Variants in ARHGEF28 observed in about 807,000 individuals in gnomAD.
ARHGEF28 encodes 190 kDa guanine nucleotide exchange factor.
ARHGEF28 carries 152 observed loss-of-function variants against 206.6 expected under a neutral mutation model. The observed-to-expected ratio is 0.74, with a 90% CI of 0.64 to 0.84. The LOEUF (loss-of-function observed/expected upper bound fraction) is 0.84, where lower values mean the gene tolerates loss of function less well. Ranked by LOEUF, ARHGEF28 falls within the 40% of genes least tolerant of loss-of-function variation. The pLI is 0.00. For missense variants in ARHGEF28, 2,028 were observed against 2,073.2 expected (o/e 0.98, Z 0.42); for synonymous variants, 763 against 776.4 (o/e 0.98, Z 0.29).
chr5:73,843,745 G>A (rs1261538234), intron 11 of ARHGEF28, among the ~76,000 whole-genome samples: 1 of 151,998 alleles, frequency 6.6e-6, no homozygotes, highest in African/African-American at 2.4e-5. Flanking sequence ...TAACTGTTTT[G>A]AGAAGCCACA....
At chr5:73,695,576 C>G (rs1476614707) in intron 2 of ARHGEF28, among the ~76,000 whole-genome samples, 1 of 152,200 alleles carries the variant, frequency 6.6e-6, no homozygotes, top group East Asian at 1.9e-4. Flanking sequence ...CTAAGCAACT[C>G]CTCTTTCCAA....
At chr5:73,912,181 CT>C (rs755539108) in intron 35 of ARHGEF28, among the ~76,000 whole-genome samples, 3 of 152,144 alleles carry the variant, frequency 2.0e-5, no homozygotes, top group Non-Finnish European at 4.4e-5. Context: ...GTGTTACCAG[CT>C]CCACATGAAT....
At chr5:73,904,536 T>C (rs1762447761) in intron 33 of ARHGEF28, 131 bp downstream of exon 33, 3 of 992,178 alleles carry the variant, frequency 3.0e-6, no homozygotes, top group Non-Finnish European at 4.4e-6. Context: ...GACAACCTTC[T>C]AAGTGTGATG....
intron 7 of ARHGEF28, among the ~76,000 whole-genome samples, chr5:73,787,566 G>A (rs1263118696): frequency 6.6e-6 from 1 of 152,162 alleles, no homozygotes; most frequent in Non-Finnish European, 1.5e-5. Context: ...ACCCTGGTGT[G>A]TAACGTTCCC....
chr5:73,741,385 G>GTGTGTGTGTATGTATA (rs1561371055), intron 2 of ARHGEF28, among the ~76,000 whole-genome samples: 1 of 21,862 alleles, frequency 4.6e-5, no homozygotes, highest in African/African-American at 2.5e-4. Context: ...GTGTGTGTGT[G>GTGTGTGTGTATGTATA]TATATATATA....
chr5:73,935,839 C>T (rs769867168), intron 35 of ARHGEF28, among the ~76,000 whole-genome samples: 6 of 152,100 alleles, frequency 3.9e-5, no homozygotes, highest in Non-Finnish European at 7.4e-5. Context: ...TCAGAAGATA[C>T]GCAGTTCTGT....
chr5:73,780,617 C>A, intron 6 of ARHGEF28, 59 bp from the exon 7 acceptor site: 1 of 1,496,182 alleles, frequency 6.7e-7, no homozygotes, highest in Non-Finnish European at 9.0e-7. Flanking sequence ...TGTTGTATAT[C>A]TGGAACCTCA....
chr5:73,821,817 A>T, intron 9 of ARHGEF28, among the ~76,000 whole-genome samples: 1 of 152,188 alleles, frequency 6.6e-6, no homozygotes, highest in East Asian at 1.9e-4. Context: ...ATGACTGAAT[A>T]TCTGCTTGAT....
At chr5:73,667,405 A>G (rs895284669) in intron 1 of ARHGEF28, among the ~76,000 whole-genome samples, 2 of 152,200 alleles carry the variant, frequency 1.3e-5, no homozygotes, top group Middle Eastern at 3.2e-3. Context: ...ACTTGAGGAC[A>G]ACACTGGGAA....
At chr5:73,714,273 T>G (rs1033096438) in intron 2 of ARHGEF28, among the ~76,000 whole-genome samples, 1 of 152,128 alleles carries the variant, frequency 6.6e-6, no homozygotes, top group African/African-American at 2.4e-5. Flanking sequence ...AACAAAGAAA[T>G]CAGTTTCTAG....
At chr5:73,732,108 T>A (rs1750657533) in intron 2 of ARHGEF28, among the ~76,000 whole-genome samples, 1 of 151,904 alleles carries the variant, frequency 6.6e-6, no homozygotes. Context: ...TCACTCCTGA[T>A]GTTGTATATT....
intron 4 of ARHGEF28, among the ~76,000 whole-genome samples, chr5:73,760,098 C>T (rs1032534490): frequency 1.8e-4 from 27 of 152,116 alleles, no homozygotes; most frequent in African/African-American, 5.8e-4. Context: ...GCACTGTGTC[C>T]AGGTCTTACT....
chr5:73,668,766 A>ACCCTTCTATTGGCAG (rs60620449), intron 1 of ARHGEF28, among the ~76,000 whole-genome samples: 1 of 151,416 alleles, frequency 6.6e-6, no homozygotes, highest in East Asian at 1.9e-4. Context: ...TTACTTGGAA[A>ACCCTTCTATTGGCAG]CCCTTCTAAG....
chr5:73,793,141 G>A (rs1368127487), intron 7 of ARHGEF28, among the ~76,000 whole-genome samples: 5 of 152,150 alleles, frequency 3.3e-5, no homozygotes, highest in Non-Finnish European at 2.9e-5. Flanking sequence ...AAATTCAAGA[G>A]CAATATACTA....
chr5:73,700,431 A>G (rs906342973), intron 2 of ARHGEF28, among the ~76,000 whole-genome samples: 1 of 152,204 alleles, frequency 6.6e-6, no homozygotes, highest in Non-Finnish European at 1.5e-5. Context: ...AGTTAAAAAG[A>G]ATTTGTGAGT....
At chr5:73,773,552 C>T (rs1753355120) in intron 4 of ARHGEF28, among the ~76,000 whole-genome samples, 1 of 152,118 alleles carries the variant, frequency 6.6e-6, no homozygotes, top group Non-Finnish European at 1.5e-5. Flanking sequence ...GAACCTGCTT[C>T]CCTAGATGAC....
intron 22 of ARHGEF28, among the ~76,000 whole-genome samples, chr5:73,876,878 T>C (rs1760533009): frequency 6.8e-6 from 1 of 146,618 alleles, no homozygotes; most frequent in African/African-American, 2.6e-5. Flanking sequence ...TGGTCTAAAA[T>C]TCTCTTTTTT....
At chr5:73,833,594 T>C (rs999458642) in intron 10 of ARHGEF28, among the ~76,000 whole-genome samples, 1 of 151,984 alleles carries the variant, frequency 6.6e-6, no homozygotes, top group African/African-American at 2.4e-5. Context: ...GGTCATGGAG[T>C]GTAGGACACA....
chr5:73,643,544 G>A (rs139957645), intron 1 of ARHGEF28, among the ~76,000 whole-genome samples: 16 of 152,224 alleles, frequency 1.1e-4, no homozygotes, highest in African/African-American at 3.9e-4. Flanking sequence ...GCTGGGCATG[G>A]TGGCTCACGC....
Sources: gnomAD v4.1 joint callset for allele counts (sites outside exome capture counted in the v4.1 genomes callset) on GRCh38, gnomAD v4.1.1 for gene constraint, MANE v1.5 for transcripts, NCBI Gene and HGNC (gene_info 2026-07-23, HGNC 2026-07-21) for gene names.